The following NBAS variants were observed in gnomAD, a reference collection of about 807,000 sequenced individuals.
The protein encoded by NBAS is NBAS subunit of NRZ tethering complex, also known as NAG/BC035112 fusion.
A neutral mutation model predicts 302.5 loss-of-function variants in NBAS; 219 were observed. The ratio of observed to expected loss-of-function variants is 0.72; its 90% confidence interval spans 0.65 to 0.81. The LOEUF is 0.81. NBAS is among the 30% of genes least tolerant of loss of function. NBAS has a pLI of 0.00. For missense variants in NBAS, 2,932 were observed against 2,841.6 expected (o/e 1.03, Z -0.72); for synonymous variants, 1,118 against 1,021.6 (o/e 1.09, Z -1.80).
intron 48 of NBAS, among the ~76,000 whole-genome samples, chr2:15,211,556 CT>C (rs1666411746): frequency 1.3e-5 from 2 of 152,332 alleles, no homozygotes; most frequent in African/African-American, 4.8e-5. Flanking sequence ...CATTCACATA[CT>C]TTTATTTTTC....
chr2:15,527,630 C>T (rs930664701), intron 9 of NBAS, among the ~76,000 whole-genome samples: 1 of 152,118 alleles, frequency 6.6e-6, no homozygotes, highest in Non-Finnish European at 1.5e-5. Flanking sequence ...TCCTAACGGC[C>T]TCATCATGTC....
intron 21 of NBAS, among the ~76,000 whole-genome samples, chr2:15,439,124 T>C (rs1201078229): frequency 6.6e-6 from 1 of 151,554 alleles, no homozygotes; most frequent in Non-Finnish European, 1.5e-5. Flanking sequence ...TGAAACCCCG[T>C]CTCTACTAAA....
Position 15,353,582 on chromosome 2 carries a change from AAAG to A in NBAS, c.4057_4059del (p.Leu1354del). The A allele has an allele frequency of 6.2e-7, 1 of 1,614,062 alleles. No individual in the cohort carries two copies. On this transcript the variant is annotated inframe_deletion, in exon 34 of 52. Transcript: ENST00000281513. ...GTCTGCAGAGAGCTGCTAGCTGCCA[AAAG>A]AAGTTCAATGCTGCTAGGAGGGCAA... is the stretch of plus-strand genomic sequence containing the variant.
rs182957605 is a variant in NBAS at position 15,309,119 on chromosome 2, T to C, written c.4659+52A>G. The C allele has an allele frequency of 3.7e-4, 536 of 1,460,002 alleles. 2 individuals are homozygous for C. The African/African-American group carries it at 4.1e-3, about 11-fold the overall frequency. The allele number at this position is 1,460,002 out of a possible 1,614,324, so 90.4% of individuals were successfully genotyped here. A position where few individuals can be genotyped will look rare whatever the true frequency, so the allele number is the denominator to read the frequency against. On this transcript the variant is annotated intron_variant, in intron 39 of 51. Transcript: ENST00000281513. ...ATTTTACCGATGAAAATTCACAGCA[T>C]ACATTTTCCATTTAGTCATTTTAAA...
intron 44 of NBAS, among the ~76,000 whole-genome samples, chr2:15,246,457 AC>A (rs1668099655): frequency 1.3e-5 from 2 of 152,210 alleles, no homozygotes; most frequent in Admixed American, 1.3e-4. Context: ...AAATTACTGA[AC>A]AACTCTGATC....
intron 48 of NBAS, among the ~76,000 whole-genome samples, chr2:15,213,466 C>A (rs1437857898): frequency 6.6e-6 from 1 of 152,146 alleles, no homozygotes. Context: ...CAAATTTAAT[C>A]CATGTAAAGT....
intron 32 of NBAS, among the ~76,000 whole-genome samples, chr2:15,358,113 A>C (rs919493525): frequency 6.6e-6 from 1 of 152,136 alleles, no homozygotes; most frequent in African/African-American, 2.4e-5. Context: ...CCATTATTTA[A>C]GGTAACTATG....
At chr2:15,042,854 G>C in the NBAS span, among the ~76,000 whole-genome samples, 3 of 152,198 alleles carry the variant, frequency 2.0e-5, no homozygotes, top group African/African-American at 7.2e-5. Flanking sequence ...GCAGTCTTTT[G>C]CAGTAAAAGG....
chr2:15,120,789 G>A, the NBAS span, among the ~76,000 whole-genome samples: 2 of 152,216 alleles, frequency 1.3e-5, no homozygotes, highest in Non-Finnish European at 2.9e-5. Context: ...AAGATGTGTG[G>A]GCGAGAACAC....
rs1262090861 is a variant in NBAS, at chr2:15,511,462, T to C, written c.747-112A>G. ...AAGAAAATTTACCAAGTACTATTAA[T>C]ATATGTTAAACCTAGAAGGTAAATA... On this transcript the variant is annotated intron_variant, in intron 9 of 51. Coordinates refer to ENST00000281513, the MANE Select transcript of NBAS (RefSeq NM_015909.4). 8 of 923,166 alleles carry C rather than the reference T, an allele frequency of 8.7e-6. No homozygotes were observed. The East Asian group carries it at 1.8e-4, about 21-fold the overall frequency. The allele number at this position is 923,166 out of a possible 1,614,324, so 57.2% of individuals were successfully genotyped here.
chr2:15,388,704 TATTA>T (rs1371839861), intron 28 of NBAS, among the ~76,000 whole-genome samples: 4 of 152,130 alleles, frequency 2.6e-5, no homozygotes, highest in African/African-American at 9.7e-5. Flanking sequence ...ATAGCAGTAG[TATTA>T]ATTACAGGAG....
At chr2:15,326,600 C>T (rs1045081452) in intron 38 of NBAS, among the ~76,000 whole-genome samples, 11 of 152,032 alleles carry the variant, frequency 7.2e-5, no homozygotes, top group African/African-American at 2.2e-4. Context: ...CATGACTATA[C>T]TTTTCATATA....
intron 47 of NBAS, among the ~76,000 whole-genome samples, chr2:15,226,852 C>A (rs1391987875): frequency 6.6e-6 from 1 of 152,150 alleles, no homozygotes; most frequent in Non-Finnish European, 1.5e-5. Context: ...ATGCTATGTG[C>A]AAACGTGGAC....
the NBAS span, among the ~76,000 whole-genome samples, chr2:14,962,574 G>C: frequency 6.6e-6 from 1 of 152,042 alleles, no homozygotes; most frequent in East Asian, 1.9e-4. Flanking sequence ...CACAGTTGTT[G>C]TTATCACACT....
At chr2:14,927,464 A>G in the NBAS span, among the ~76,000 whole-genome samples, 6 of 152,178 alleles carry the variant, frequency 3.9e-5, no homozygotes, top group Non-Finnish European at 1.5e-5. Context: ...CCATCCCCTG[A>G]TGGACATTTA....
At chr2:14,794,991 C>T in the NBAS span, among the ~76,000 whole-genome samples, 3 of 151,984 alleles carry the variant, frequency 2.0e-5, no homozygotes, top group African/African-American at 4.8e-5. Flanking sequence ...ATTTGTTTGT[C>T]CATTCGCCTG....
At chr2:15,119,298 C>T in the NBAS span, among the ~76,000 whole-genome samples, 87 of 141,990 alleles carry the variant, frequency 6.1e-4, no homozygotes, top group African/African-American at 2.4e-3. Context: ...TTTTAGAAAT[C>T]CTTTCTTTTT....
intron 25 of NBAS, among the ~76,000 whole-genome samples, chr2:15,408,417 T>C (rs1277475647): frequency 3.9e-5 from 6 of 152,334 alleles, no homozygotes; most frequent in Admixed American, 1.3e-4. Context: ...CTGAATGCTT[T>C]ATATTTTTCT....
the NBAS span, among the ~76,000 whole-genome samples, chr2:14,793,077 T>TCTCA: frequency 1.3e-5 from 2 of 151,904 alleles, no homozygotes; most frequent in African/African-American, 4.8e-5. Context: ...TTTCTCTCTC[T>TCTCA]CTCTCTCTCT....
Sources: gnomAD v4.1 joint callset for allele counts (sites outside exome capture counted in the v4.1 genomes callset) on GRCh38, gnomAD v4.1.1 for gene constraint, MANE v1.5 for transcripts, NCBI Gene and HGNC (gene_info 2026-07-23, HGNC 2026-07-21) for gene names.